MYH9: variants seen among roughly 807,000 people sequenced by gnomAD.
MYH9 encodes myosin heavy chain 9.
Under a neutral mutation model 241.9 loss-of-function variants are expected in MYH9, and 29 were observed. The observed-to-expected ratio is 0.12, with a 90% confidence interval of 0.09 to 0.16. The LOEUF is 0.16. MYH9 is among the 10% of genes least tolerant of loss of function. MYH9 has a pLI of 1.00. For synonymous variants in MYH9, 1,047 were observed against 1,062.6 expected (o/e 0.99, Z 0.29); for missense variants, 1,803 against 2,595.5 (o/e 0.69, Z 6.63).
chr22:36,306,674 G>C lies in MYH9; in HGVS notation c.1844-67C>G. The C allele has an allele frequency of 6.8e-7, 1 of 1,473,142 alleles. No homozygotes were observed. Among genetic ancestry groups the C allele is most frequent in the African/African-American group, 1.4e-5 (1 of 72,042 alleles). 91.3% of individuals were successfully genotyped at this position (1,473,142 alleles called of 1,614,324 possible). ...CAGCTGGGTGGTGGGGGAGCACGTA[G>C]GAGAGAGAGACAGGCACACGTCGGA... On this transcript the variant is annotated intron_variant, in intron 15 of 40. Transcript: ENST00000216181. This position sits in a 1 kb window ranked among gnomAD's most constrained non-coding sequence, Gnocchi z 4.1.
At position 36,321,466 on chromosome 22, in the gene MYH9, C is replaced by T. The variant is rs189789401; in HGVS notation, c.769+292G>A. On this transcript the variant is annotated intron_variant, in intron 7 of 40. Coordinates refer to ENST00000216181, the MANE Select transcript of MYH9 (RefSeq NM_002473.6). The stretch of plus-strand genomic sequence containing the variant: ...CACAAGCAAAGGCTAAACGGTGGCA[C>T]GCAGGAGAGTGGCATCCCCCAAACG... Among the ~76,000 whole-genome samples the T allele has an allele frequency of 2.1e-3, 313 of 152,276 alleles. 1 individual carries two copies. The highest frequency in any genetic ancestry group is 6.5e-3 in the African/African-American group (272 of 41,546).
intron 14 of MYH9, among the ~76,000 whole-genome samples, chr22:36,310,330 G>A (rs939712628): frequency 7.9e-5 from 12 of 151,406 alleles, no homozygotes; most frequent in Non-Finnish European, 1.3e-4. Flanking sequence ...GGTCTCAAAC[G>A]TCTGGGCTCA....
chr22:36,378,772 G>T (rs2018210787), intron 1 of MYH9, among the ~76,000 whole-genome samples: 1 of 152,130 alleles, frequency 6.6e-6, no homozygotes, highest in Admixed American at 6.5e-5. Flanking sequence ...GACTCTTAAG[G>T]AAAGATTAAA....
chr22:36,338,878 C>G (rs556307473), intron 3 of MYH9, among the ~76,000 whole-genome samples: 7 of 151,834 alleles, frequency 4.6e-5, no homozygotes, highest in East Asian at 1.9e-4. Context: ...ATTTGCAAAT[C>G]TGATCAAACC....
In MYH9 at chr22:36,292,109, G is replaced by C; in HGVS notation, c.4221C>G (p.Ala1407=). The C allele has an allele frequency of 6.2e-7, 1 of 1,614,162 alleles. No individual in the cohort carries two copies. Among genetic ancestry groups the C allele is most frequent in the Non-Finnish European group, 8.5e-7 (1 of 1,180,044 alleles). The stretch of plus-strand genomic sequence containing the variant: ...TCTTGGTCTTCTCCAGCTTGTCGTA[G>C]GCGGCCACCTTCTCCTCGTGCCGCT... The part of the protein sequence containing the change: ...LSQRHEEKVA[A]YDKLEKTKTR... Residue 1407 remains alanine, a synonymous_variant, in exon 31 of 41, where the codon GCC becomes GCG. Transcript: ENST00000216181.
At chr22:36,343,232 T>C (rs1229652500) in intron 2 of MYH9, among the ~76,000 whole-genome samples, 1 of 151,818 alleles carries the variant, frequency 6.6e-6, no homozygotes, top group Non-Finnish European at 1.5e-5. Context: ...AACCACACAA[T>C]GGTATGCATT....
At chr22:36,299,184 G>T in intron 23 of MYH9, 142 bp from the exon 24 acceptor site, 1 of 1,237,426 alleles carries the variant, frequency 8.1e-7, no homozygotes, top group Non-Finnish European at 1.2e-6. Context: ...GATTTTCCTA[G>T]ATCAAAGGAT....
intron 12 of MYH9, among the ~76,000 whole-genome samples, chr22:36,316,245 G>A (rs2017148963): frequency 6.6e-6 from 1 of 151,660 alleles, no homozygotes; most frequent in Non-Finnish European, 1.5e-5. Context: ...TGTTGGTCAG[G>A]CTGGTCTCAA....
In MYH9 at chr22:36,295,401, G is replaced by GGTGTGTGT. The variant is rs60043894; in HGVS notation, c.3485+96_3485+103dup. 5 of 808,620 alleles carry GGTGTGTGT rather than the reference G, an allele frequency of 6.2e-6. No homozygotes were observed. The highest frequency in any genetic ancestry group is 2.9e-5 in the East Asian group (1 of 34,254). The allele number at this position is 808,620 out of a possible 1,614,324, so 50.1% of individuals were successfully genotyped here. ...GCCTGCTGGTGCCTAAGAGGGCCAC[G>GGTGTGTGT]GTGTGTGTGTGTGTGTGTGTGCAGA... On this transcript the variant is annotated intron_variant, in intron 26 of 40. Coordinates refer to ENST00000216181, the MANE Select transcript of MYH9 (RefSeq NM_002473.6). This position sits in a 1 kb window ranked among gnomAD's most constrained non-coding sequence, Gnocchi z 4.1.
chr22:36,300,057 G>A lies in MYH9; in HGVS notation c.2976+70C>T, dbSNP rs2016850102. On this transcript the variant is annotated intron_variant, in intron 23 of 40. Transcript: ENST00000216181. This position sits in a 1 kb window ranked among gnomAD's most constrained non-coding sequence, Gnocchi z 5.0. ...CAGCAGCAGCGGGGAGCCAGGCCCT[G>A]CAAGGGTGACCACACTCTCCCATCC... 5.0e-6 allele frequency: 8 copies of A among 1,596,334 alleles called. No individual in the cohort carries two copies. Among genetic ancestry groups the A allele is most frequent in the African/African-American group, 1.3e-5 (1 of 74,976 alleles).
rs756817052 is a variant in MYH9, at chr22:36,306,652, C to A, written c.1844-45G>T. 3 of 1,585,980 alleles carry A rather than the reference C, an allele frequency of 1.9e-6. No individual in the cohort carries two copies. In the South Asian group the frequency reaches 3.4e-5, roughly 18 times the overall value. ...CACGTGAGTGCCCACACAGTTGCAGCTGGGTGGTGGGGGAGCACGTAGGAG... is the reference window on the plus strand; with the variant it reads ...CACGTGAGTGCCCACACAGTTGCAGATGGGTGGTGGGGGAGCACGTAGGAG... On this transcript the variant is annotated intron_variant, in intron 15 of 40. Coordinates refer to ENST00000216181, the MANE Select transcript of MYH9 (RefSeq NM_002473.6). The surrounding 1 kb of genome is among the most constrained non-coding windows in gnomAD (Gnocchi z 4.1).
At chr22:36,298,378 C>T (rs1272385707) in intron 24 of MYH9, among the ~76,000 whole-genome samples, 1 of 152,186 alleles carries the variant, frequency 6.6e-6, no homozygotes, top group Non-Finnish European at 1.5e-5. Flanking sequence ...CAGGATTTGT[C>T]ACCCTGCCCC....
chr22:36,301,324 C>T (rs531127314), intron 21 of MYH9, among the ~76,000 whole-genome samples: 1 of 152,226 alleles, frequency 6.6e-6, no homozygotes, highest in Non-Finnish European at 1.5e-5. Flanking sequence ...CACTTGTGAA[C>T]GTTCCACTCT....
At position 36,289,131 on chromosome 22, in the gene MYH9, G is replaced by C; in HGVS notation, c.4511C>G (p.Thr1504Arg). ...GGAGCTCATAAGGTCCTCCATCTCCGTGCGGAACTGCTTGTTGAGCCGCTC... is the reference window on the plus strand; with the variant it reads ...GGAGCTCATAAGGTCCTCCATCTCCCTGCGGAACTGCTTGTTGAGCCGCTC... ...ELERLNKQFR[T>R]EMEDLMSSKD... is the part of the protein sequence containing the mutation. Residue 1504 changes from threonine (T) to arginine (R), a missense_variant, in exon 32 of 41, where the codon ACG (threonine) becomes AGG (arginine). Physicochemically the swap from Thr to Arg is moderately conservative, Grantham distance 71. This residue lies in a region of MYH9 where 876 missense variants were observed against 1,077.8 expected (regional missense o/e 0.81). Coordinates refer to ENST00000216181, the MANE Select transcript of MYH9 (RefSeq NM_002473.6). The C allele has an allele frequency of 6.2e-7, 1 of 1,614,020 alleles. No homozygotes were observed. The highest frequency in any genetic ancestry group is 1.1e-5 in the South Asian group (1 of 91,084).
chr22:36,309,469 A>G (rs954860933), intron 14 of MYH9, 73 bp from the exon 15 acceptor site: 2 of 1,142,592 alleles, frequency 1.8e-6, no homozygotes, highest in Non-Finnish European at 2.7e-6. Flanking sequence ...TCCGGAGCAC[A>G]GGCTAACCCC....
intron 35 of MYH9, 186 bp from the exon 36 acceptor site, chr22:36,286,139 T>G: frequency 1.9e-5 from 12 of 639,444 alleles, no homozygotes; most frequent in Non-Finnish European, 2.2e-5. Flanking sequence ...ACACCATATG[T>G]TTATAAAACT....
rs1167429419 is a variant in MYH9 at position 36,285,809 on chromosome 22, G to T, written c.5151-28C>A. The T allele has an allele frequency of 6.2e-7, 1 of 1,612,200 alleles. No individual in the cohort carries two copies. Among genetic ancestry groups the T allele is most frequent in the Middle Eastern group, 1.7e-4 (1 of 5,768 alleles). On this transcript the variant is annotated intron_variant, in intron 36 of 40. Transcript: ENST00000216181. The surrounding 1 kb of genome is among the most constrained non-coding windows in gnomAD (Gnocchi z 7.0). ...GCGGGGTGGGCGGGAGAAGTGAGGG[G>T]CCTACCCTGGGGACACACCTGGTCC...
chr22:36,285,128 C>T lies in MYH9; in HGVS notation c.5476G>A (p.Glu1826Lys), dbSNP rs1246675242. The change falls in exon 38 of 41, where the codon GAG becomes AAG. Residue 1826 changes from glutamate (E) to lysine (K), a missense_variant. Physicochemically the swap from Glu to Lys is moderately conservative, Grantham distance 56. This residue lies in a region of MYH9 where 876 missense variants were observed against 1,077.8 expected (regional missense o/e 0.81). Transcript: ENST00000216181. The surrounding 1 kb of genome is among the most constrained non-coding windows in gnomAD (Gnocchi z 7.0). ...GGGGCCAGGGGCACGTACTTGGTCT[C>T]GTTGTCCAGCTGCTCCTCCAGCTGT... The part of the protein sequence containing the change: ...IAQLEEQLDN[E>K]TKERQAACKQ... 3.7e-6 allele frequency: 6 copies of T among 1,613,832 alleles called. No individual in the cohort carries two copies. Among genetic ancestry groups the T allele is most frequent in the African/African-American group, 1.3e-5 (1 of 74,912 alleles).
intron 3 of MYH9, among the ~76,000 whole-genome samples, chr22:36,335,191 C>T (rs1402177636): frequency 6.6e-6 from 1 of 152,258 alleles, no homozygotes; most frequent in Non-Finnish European, 1.5e-5. Context: ...TCACCTCCTC[C>T]AGGCAGGCCC....
Sources: gnomAD v4.1 joint callset for allele counts (sites outside exome capture counted in the v4.1 genomes callset) on GRCh38, gnomAD v4.1.1 for gene constraint, gnomAD v4.1.1 regional missense constraint, Gnocchi (gnomAD v3.1) non-coding constraint, MANE v1.5 for transcripts, NCBI Gene and HGNC (gene_info 2026-07-23, HGNC 2026-07-21) for gene names.